Variants in ROBO1 observed in about 807,000 individuals in gnomAD.
ROBO1 encodes the protein roundabout homolog 1.
In ROBO1, 149 loss-of-function variants were observed where a neutral mutation model predicts 195.9. The ratio of observed to expected loss-of-function variants is 0.76; its 90% CI spans 0.67 to 0.87. ROBO1 has a LOEUF of 0.87. Among genes scored for constraint, ROBO1 ranks in the 40% least tolerant of loss-of-function variants. ROBO1 has a pLI of 0.00. For synonymous variants in ROBO1, 816 were observed against 733.2 expected (o/e 1.11, Z -1.82); for missense variants, 1,933 against 2,068.3 (o/e 0.93, Z 1.27).
At chr3:78,987,855 C>G (rs918574471) in intron 3 of ROBO1, among the ~76,000 whole-genome samples, 3 of 151,952 alleles carry the variant, frequency 2.0e-5, no homozygotes, top group Non-Finnish European at 4.4e-5. Flanking sequence ...TGCCTGTATC[C>G]AAATATCTCA....
intron 2 of ROBO1, among the ~76,000 whole-genome samples, chr3:79,159,088 T>TA (rs1208960747): frequency 6.6e-6 from 1 of 151,924 alleles, no homozygotes; most frequent in Non-Finnish European, 1.5e-5. Flanking sequence ...AAAGACAAAG[T>TA]AGGGTATCTG....
chr3:79,065,032 G>A (rs2078981960), intron 3 of ROBO1, among the ~76,000 whole-genome samples: 1 of 152,074 alleles, frequency 6.6e-6, no homozygotes, highest in Middle Eastern at 3.4e-3. Context: ...GTGATCAGGT[G>A]GAGGTTGTAT....
chr3:78,785,224 G>A (rs987364408), intron 4 of ROBO1, among the ~76,000 whole-genome samples: 6 of 152,268 alleles, frequency 3.9e-5, no homozygotes, highest in African/African-American at 1.4e-4. Context: ...TCACTCTTAA[G>A]GTATATGACT....
intron 29 of ROBO1, among the ~76,000 whole-genome samples, chr3:78,605,208 C>A (rs1211040457): frequency 1.3e-5 from 2 of 151,948 alleles, no homozygotes; most frequent in African/African-American, 4.9e-5. Flanking sequence ...AATTTCCCAC[C>A]CCATTCTTTA....
intron 4 of ROBO1, among the ~76,000 whole-genome samples, chr3:78,828,832 G>A (rs2031878742): frequency 6.6e-6 from 1 of 152,158 alleles, no homozygotes. Flanking sequence ...ATTTGGGAAA[G>A]CTCCTGACCT....
At chr3:79,629,316 AAT>A (rs2108016078) in intron 1 of ROBO1, among the ~76,000 whole-genome samples, 1 of 152,296 alleles carries the variant, frequency 6.6e-6, no homozygotes, top group South Asian at 2.1e-4. Flanking sequence ...CAGAACATAG[AAT>A]AATAAAATTA....
At chr3:78,974,383 A>G (rs547193945) in intron 3 of ROBO1, among the ~76,000 whole-genome samples, 2 of 152,328 alleles carry the variant, frequency 1.3e-5, no homozygotes, top group Admixed American at 1.3e-4. Flanking sequence ...ATGTGTTTCA[A>G]TTGAAAACCG....
chr3:78,770,449 C>T (rs931750400), intron 4 of ROBO1, among the ~76,000 whole-genome samples: 1 of 152,148 alleles, frequency 6.6e-6, no homozygotes, highest in Non-Finnish European at 1.5e-5. Flanking sequence ...TGTTCATGTC[C>T]TTTGCCCATT....
chr3:78,852,633 G>A (rs2034138333), intron 4 of ROBO1, among the ~76,000 whole-genome samples: 1 of 152,168 alleles, frequency 6.6e-6, no homozygotes, highest in South Asian at 2.1e-4. Flanking sequence ...GAAGGCTCCT[G>A]TGAATGAGAC....
At chr3:79,148,533 CA>C (rs1402881369) in intron 2 of ROBO1, among the ~76,000 whole-genome samples, 1 of 151,670 alleles carries the variant, frequency 6.6e-6, no homozygotes, top group African/African-American at 2.4e-5. Flanking sequence ...AAGAACAAAG[CA>C]AAATCAAATG....
chr3:78,785,414 C>T (rs768298584), intron 4 of ROBO1, among the ~76,000 whole-genome samples: 2 of 152,174 alleles, frequency 1.3e-5, no homozygotes, highest in African/African-American at 2.4e-5. Flanking sequence ...CATACAAAAT[C>T]GCTATCATTT....
chr3:79,048,261 G>A (rs747282316), intron 3 of ROBO1, among the ~76,000 whole-genome samples: 16 of 152,082 alleles, frequency 1.1e-4, no homozygotes, highest in Admixed American at 2.0e-4. Context: ...TCCCCATCCC[G>A]TGGCAGTCAT....
intron 1 of ROBO1, among the ~76,000 whole-genome samples, chr3:79,617,713 C>G (rs7611056): frequency 0.57 from 86,530 of 150,672 alleles, 26,166 homozygotes; most frequent in East Asian, 0.89. Flanking sequence ...ACCTAACCAA[C>G]AGGGAATTCT....
chr3:79,602,967 A>G (rs1944381405), intron 1 of ROBO1, among the ~76,000 whole-genome samples: 1 of 152,004 alleles, frequency 6.6e-6, no homozygotes, highest in South Asian at 2.1e-4. Flanking sequence ...CCATAAATAC[A>G]TAACTATTCA....
At chr3:79,311,293 A>C (rs893608452) in intron 2 of ROBO1, among the ~76,000 whole-genome samples, 8 of 152,204 alleles carry the variant, frequency 5.3e-5, no homozygotes, top group Admixed American at 2.0e-4. Flanking sequence ...GAAAGGGCTT[A>C]AACTATTCCA....
intron 2 of ROBO1, among the ~76,000 whole-genome samples, chr3:79,584,814 C>T (rs1451636897): frequency 6.6e-6 from 1 of 151,464 alleles, no homozygotes; most frequent in East Asian, 2.0e-4. Flanking sequence ...CTGGCACTAG[C>T]TCATTTAACT....
At chr3:79,626,947 G>A (rs904024470) in intron 1 of ROBO1, among the ~76,000 whole-genome samples, 3 of 152,118 alleles carry the variant, frequency 2.0e-5, no homozygotes, top group Admixed American at 2.0e-4. Flanking sequence ...GCTAACAAGG[G>A]ATGTGAAGGA....
chr3:79,054,589 C>A (rs2078767309), intron 3 of ROBO1, among the ~76,000 whole-genome samples: 1 of 152,124 alleles, frequency 6.6e-6, no homozygotes, highest in Admixed American at 6.6e-5. Context: ...ACTGGCCCCA[C>A]TAATTCTTTT....
At chr3:79,630,698 GT>G (rs1362641970) in intron 1 of ROBO1, among the ~76,000 whole-genome samples, 3 of 151,872 alleles carry the variant, frequency 2.0e-5, no homozygotes, top group African/African-American at 7.2e-5. Context: ...CAAATCATCT[GT>G]TTGCTTATGA....
Sources: allele counts gnomAD v4.1 joint callset (sites outside exome capture counted in the v4.1 genomes callset), GRCh38; gene constraint gnomAD v4.1.1; transcripts MANE v1.5; gene names NCBI Gene and HGNC (gene_info 2026-07-23, HGNC 2026-07-21).